SH2B1: variants seen among roughly 807,000 people sequenced by gnomAD.
SH2B1 encodes SH2B adaptor protein 1.
Under a neutral mutation model 62.6 loss-of-function variants are expected in SH2B1, and 15 were observed. The observed-to-expected ratio is 0.24, with a 90% confidence interval of 0.16 to 0.37. SH2B1 has a LOEUF of 0.37. Ranked by LOEUF, SH2B1 falls within the 10% of genes least tolerant of loss-of-function variation. The pLI is 1.00. For missense variants in SH2B1, 925 were observed against 1,015.6 expected (o/e 0.91, Z 1.21); for synonymous variants, 443 against 438.0 (o/e 1.01, Z -0.14).
intron 4 of SH2B1, 51 bp downstream of exon 4, chr16:28,869,434 G>A (rs980618701): frequency 1.9e-6 from 3 of 1,551,608 alleles, no homozygotes; most frequent in Non-Finnish European, 2.6e-6. Context: ...GCCATGCGGG[G>A]CCCCTGCTGT....
chr16:28,863,989 T>C lies in SH2B1; in HGVS notation c.-2106T>C. On this transcript the variant is annotated 5_prime_UTR_variant, in exon 1 of 8. Transcript: ENST00000684370. ...CCCCCCTCTTCAAGTACCTTTTCCC[T>C]CTCCGCGACCCGGCCCTGGCGCCCG... 7.2e-7 allele frequency: 1 copy of C among 1,383,630 alleles called. No homozygotes were observed. 85.7% of individuals were successfully genotyped at this position (1,383,630 alleles called of 1,614,324 possible).
rs767176809 is a variant in SH2B1, at chr16:28,865,057, T to C, written c.-1038T>C. The C allele has an allele frequency of 4.1e-6, 4 of 984,410 alleles. No individual in the cohort carries two copies. In the South Asian group the frequency reaches 1.4e-4, roughly 35 times the overall value. 61.0% of individuals were successfully genotyped at this position (984,410 alleles called of 1,614,324 possible). On this transcript the variant is annotated 5_prime_UTR_variant, in exon 1 of 8. Coordinates refer to ENST00000684370, the MANE Select transcript of SH2B1 (RefSeq NM_001387430.1). ...AAGGTGGTTTGAGCCCTGGTCTGAC[T>C]CAAGTCCATGGCCTTAACCAGAAGG...
At position 28,864,838 on chromosome 16, in the gene SH2B1, T is replaced by A; in HGVS notation, c.-1257T>A. ...ATATTCTTCTCCCACATGAAGATAG[T>A]AACAATGGCAGTCGTTCAGCGGATG... On this transcript the variant is annotated 5_prime_UTR_variant, in exon 1 of 8. Coordinates refer to ENST00000684370, the MANE Select transcript of SH2B1 (RefSeq NM_001387430.1). 7.7e-6 allele frequency: 2 copies of A among 261,032 alleles called. No individual in the cohort carries two copies. The highest frequency in any genetic ancestry group is 1.2e-5 in the Non-Finnish European group (2 of 167,806). The allele number at this position is 261,032 out of a possible 1,614,324, so 16.2% of individuals were successfully genotyped here.
In SH2B1 at chr16:28,865,957, C is replaced by T. The variant is rs921833456; in HGVS notation, c.-138C>T. On this transcript the variant is annotated 5_prime_UTR_variant, in exon 1 of 8. Coordinates refer to ENST00000684370, the MANE Select transcript of SH2B1 (RefSeq NM_001387430.1). ...TCTCTGGCTGGGGGTGGGATGCAGC[C>T]TCCGGTGCGCCCTCAGCAGTGACCC... 6 of 1,441,636 alleles carry T rather than the reference C, an allele frequency of 4.2e-6. No homozygotes were observed. In the South Asian group the frequency reaches 7.5e-5, roughly 18 times the overall value. The allele number at this position is 1,441,636 out of a possible 1,614,324, so 89.3% of individuals were successfully genotyped here.
rs975106862 is a variant in SH2B1, at chr16:28,866,479, C to G, written c.385C>G (p.Leu129Val). The G allele has an allele frequency of 1.3e-5, 21 of 1,613,920 alleles. No individual in the cohort carries two copies. Among genetic ancestry groups the G allele is most frequent in the Non-Finnish European group, 1.6e-5 (19 of 1,180,018 alleles). ...VLGPSRSSED[L>V]AGPLPSSVSS... Reference sequence around the variant, plus strand: ...GGGCCCTTCTCGATCATCTGAGGACCTGGCCGGCCCCCTCCCTTCCTCAGT... The same window carrying G: ...GGGCCCTTCTCGATCATCTGAGGACGTGGCCGGCCCCCTCCCTTCCTCAGT... Residue 129 changes from leucine (L) to valine (V), a missense_variant, in exon 1 of 8, where the codon CTG becomes GTG. Coordinates refer to ENST00000684370, the MANE Select transcript of SH2B1 (RefSeq NM_001387430.1). This position sits in a 1 kb window ranked among gnomAD's most constrained non-coding sequence, Gnocchi z 6.3.
At chr16:28,868,655 A>G (rs1349475810) in intron 2 of SH2B1, among the ~76,000 whole-genome samples, 1 of 151,974 alleles carries the variant, frequency 6.6e-6, no homozygotes, top group Non-Finnish European at 1.5e-5. Context: ...ACAGGGTTTC[A>G]CCACATTGGT....
chr16:28,859,872 C>A (rs1002592774), upstream of SH2B1, among the ~76,000 whole-genome samples: 11 of 102,092 alleles, frequency 1.1e-4, 1 homozygote, highest in African/African-American at 1.9e-4. Context: ...CAATAGACCC[C>A]CCCCCCCCGG....
chr16:28,870,642 T>TG (rs201650666), intron 4 of SH2B1, among the ~76,000 whole-genome samples: 7,851 of 152,034 alleles, frequency 0.052, 687 homozygotes, highest in African/African-American at 0.18. Flanking sequence ...ACCTTTTTTT[T>TG]TTTGTTTGTG....
chr16:28,866,511 C>G lies in SH2B1; in HGVS notation c.417C>G (p.Ser139=), dbSNP rs778674998. ...LAGPLPSSVS[S]SSTTSSKPKL... ...GCCCCCTCCCTTCCTCAGTCTCTTCCTCCTCTACAACCTCCTCCAAGCCGA... is the reference window on the plus strand; with the variant it reads ...GCCCCCTCCCTTCCTCAGTCTCTTCGTCCTCTACAACCTCCTCCAAGCCGA... Residue 139 remains serine (S), a synonymous_variant, in exon 1 of 8, where the codon TCC becomes TCG. Transcript: ENST00000684370. This position sits in a 1 kb window ranked among gnomAD's most constrained non-coding sequence, Gnocchi z 6.3. 6 of 1,613,978 alleles carry G rather than the reference C, an allele frequency of 3.7e-6. No homozygotes were observed. Among genetic ancestry groups the G allele is most frequent in the Non-Finnish European group, 5.1e-6 (6 of 1,180,034 alleles).
intron 1 of SH2B1, among the ~76,000 whole-genome samples, chr16:28,848,530 C>T (rs1455837354): frequency 6.6e-6 from 1 of 152,048 alleles, no homozygotes. Context: ...CCTATTGTTT[C>T]ACAATCAGCG....
intron 4 of SH2B1, among the ~76,000 whole-genome samples, 182 bp from the exon 5 acceptor site, chr16:28,871,598 A>G (rs1426208125): frequency 6.6e-6 from 1 of 152,234 alleles, no homozygotes; most frequent in Non-Finnish European, 1.5e-5. Flanking sequence ...GTCCCTCAGC[A>G]GCGCAGGAAG....
At chr16:28,870,606 C>T (rs931287497) in intron 4 of SH2B1, among the ~76,000 whole-genome samples, 4 of 150,974 alleles carry the variant, frequency 2.6e-5, no homozygotes, top group Non-Finnish European at 4.4e-5. Context: ...GAGTTAGGGG[C>T]TTTGTCCTAT....
Position 28,864,051 on chromosome 16 carries a change from G to A in SH2B1, c.-2044G>A. On this transcript the variant is annotated 5_prime_UTR_variant, in exon 1 of 8. Coordinates refer to ENST00000684370, the MANE Select transcript of SH2B1 (RefSeq NM_001387430.1). ...GGGTGGGGGTGGGCGTGGAGGGCCG[G>A]GGGCTGGAGAGGCACTCGGCCCCGG... 7.3e-7 allele frequency: 1 copy of A among 1,373,324 alleles called. No individual in the cohort carries two copies. The allele number at this position is 1,373,324 out of a possible 1,614,324, so 85.1% of individuals were successfully genotyped here.
chr16:28,851,934 G>T (rs943534610), intron 1 of SH2B1, among the ~76,000 whole-genome samples: 1 of 149,660 alleles, frequency 6.7e-6, no homozygotes, highest in Non-Finnish European at 1.5e-5. Flanking sequence ...GGGCATGGTG[G>T]TGCGCACCTG....
Position 28,863,887 on chromosome 16 carries a change from A to G in SH2B1, c.-2208A>G. ...TCGCGTAGTGGGTGGGGGCGCAGGG[A>G]GCGGGAGCCGCCGCCGCCGCCGCCG... On this transcript the variant is annotated 5_prime_UTR_variant, in exon 1 of 8. Transcript: ENST00000684370. 2 of 1,492,228 alleles carry G rather than the reference A, an allele frequency of 1.3e-6. No individual in the cohort carries two copies. The highest frequency in any genetic ancestry group is 1.8e-6 in the Non-Finnish European group (2 of 1,127,264). 92.4% of individuals were successfully genotyped at this position (1,492,228 alleles called of 1,614,324 possible).
upstream of SH2B1, chr16:28,863,502 T>C (rs1191828111): frequency 3.3e-6 from 2 of 609,604 alleles, no homozygotes; most frequent in African/African-American, 1.9e-5. Flanking sequence ...ATCTCGCTGG[T>C]TTCCGGTGCT....
At chr16:28,854,876 C>G (rs1182445947) in intron 1 of SH2B1, among the ~76,000 whole-genome samples, 1 of 152,124 alleles carries the variant, frequency 6.6e-6, no homozygotes, top group Non-Finnish European at 1.5e-5. Flanking sequence ...ACTAGCCCTT[C>G]ATTTTTGTTT....
upstream of SH2B1, among the ~76,000 whole-genome samples, chr16:28,861,236 G>GA (rs1446851525): frequency 6.6e-6 from 1 of 151,854 alleles, no homozygotes; most frequent in Non-Finnish European, 1.5e-5. Flanking sequence ...AGATTCAAGT[G>GA]ATTCTCCTGC....
chr16:28,872,239 C>T lies in SH2B1; in HGVS notation c.1563C>T (p.Pro521=), dbSNP rs1192684549. 3 of 1,613,964 alleles carry T rather than the reference C, an allele frequency of 1.9e-6. No individual in the cohort carries two copies. Among genetic ancestry groups the T allele is most frequent in the Non-Finnish European group, 2.5e-6 (3 of 1,179,884 alleles). Reference sequence around the variant, plus strand: ...CAGAGGGCGGTGAGGGGGACCAGCCCCTCTCAGGGTATCCTTGGTTCCACG... The same window carrying T: ...CAGAGGGCGGTGAGGGGGACCAGCCTCTCTCAGGGTATCCTTGGTTCCACG... ...GEPEGGEGDQ[P]LSGYPWFHGM... is the part of the protein sequence containing the mutation. The change falls in exon 6 of 8, where the codon CCC becomes CCT. Residue 521 remains proline (P), a synonymous_variant. Transcript: ENST00000684370. The surrounding 1 kb of genome is among the most constrained non-coding windows in gnomAD (Gnocchi z 5.3).
Sources: gnomAD v4.1 joint callset for allele counts (sites outside exome capture counted in the v4.1 genomes callset) on GRCh38, gnomAD v4.1.1 for gene constraint, Gnocchi (gnomAD v3.1) non-coding constraint, MANE v1.5 for transcripts, NCBI Gene and HGNC (gene_info 2026-07-23, HGNC 2026-07-21) for gene names.